Variants in CELSR1 observed in about 807,000 individuals in gnomAD.
The protein encoded by CELSR1 is cadherin EGF LAG seven-pass G-type receptor 1.
Under a neutral mutation model 249.1 loss-of-function variants are expected in CELSR1, and 110 were observed. The observed-to-expected ratio is 0.44, with a 90% CI of 0.38 to 0.52. The LOEUF is 0.52. Among genes scored for constraint, CELSR1 ranks in the 20% least tolerant of loss-of-function variants. The pLI, the probability that CELSR1 is intolerant of heterozygous loss-of-function variation, is 0.00. For synonymous variants in CELSR1, 2,113 were observed against 1,900.0 expected (o/e 1.11, Z -2.92); for missense variants, 4,109 against 4,296.4 (o/e 0.96, Z 1.22).
rs1389553610 is a variant in CELSR1 at position 46,445,094 on chromosome 22, G to T, written c.4184-5683C>A. Reference sequence around the variant, plus strand: ...GCCTGTAATCCCAGCTACTTGGGAGGCTGAGGCAGGAGAATCCTTTGAACC... The same window carrying T: ...GCCTGTAATCCCAGCTACTTGGGAGTCTGAGGCAGGAGAATCCTTTGAACC... On this transcript the variant is annotated intron_variant, in intron 2 of 34. Transcript: ENST00000674500. The surrounding 1 kb of genome is among the most constrained non-coding windows in gnomAD (Gnocchi z 4.4). Among the ~76,000 whole-genome samples the T allele has an allele frequency of 6.6e-6, 1 of 152,164 alleles. No homozygotes were observed. Among genetic ancestry groups the T allele is most frequent in the Non-Finnish European group, 1.5e-5 (1 of 68,028 alleles).
chr22:46,404,298 G>C (rs2079240738), intron 9 of CELSR1, among the ~76,000 whole-genome samples: 1 of 152,012 alleles, frequency 6.6e-6, no homozygotes, highest in South Asian at 2.1e-4. Flanking sequence ...TGTAATCTCA[G>C]CTACTCGGGA....
Position 46,362,854 on chromosome 22 carries a change from C to T in CELSR1, c.*369G>A, listed in dbSNP as rs546670399. ...TGGACCGCGGTCTTTGGTCTGTGCC[C>T]GGCGTTCCTGAACTCTGGCCAGCCT... On this transcript the variant is annotated 3_prime_UTR_variant, in exon 35 of 35. Transcript: ENST00000674500. The T allele has an allele frequency of 1.4e-4, 56 of 395,972 alleles. No individual in the cohort carries two copies. Among genetic ancestry groups the T allele is most frequent in the South Asian group, 9.0e-4 (18 of 19,924 alleles). The allele number at this position is 395,972 out of a possible 1,614,324, so 24.5% of individuals were successfully genotyped here. A position where few individuals can be genotyped will look rare whatever the true frequency, so the allele number is the denominator to read the frequency against.
At position 46,500,400 on chromosome 22, in the gene CELSR1, T is replaced by G. The variant is rs2080455091; in HGVS notation, c.3544+33227A>C. 6.6e-6 allele frequency among the ~76,000 whole-genome samples: 1 copy of G among 152,048 alleles called. No homozygotes were observed. The highest frequency in any genetic ancestry group is 2.1e-4 in the South Asian group (1 of 4,808). ...GAGATCACATTTACAGCGGTGGCGG[T>G]AACCATGGAAACTGGCAGTCGGTGC... On this transcript the variant is annotated intron_variant, in intron 1 of 34. Coordinates refer to ENST00000674500, the MANE Select transcript of CELSR1 (RefSeq NM_001378328.1). This position sits in a 1 kb window ranked among gnomAD's most constrained non-coding sequence, Gnocchi z 4.9.
chr22:46,456,623 G>A (rs12166442), intron 2 of CELSR1, among the ~76,000 whole-genome samples: 47,752 of 140,000 alleles, frequency 0.34, 8,331 homozygotes, highest in African/African-American at 0.45. Context: ...AGATTGTGCC[G>A]CTGCACTTCA....
In CELSR1 at chr22:46,490,836, C is replaced by T. The variant is rs563204413; in HGVS notation, c.3545-26491G>A. Among the ~76,000 whole-genome samples, 1 of 152,290 alleles carries T rather than the reference C, an allele frequency of 6.6e-6. No individual in the cohort carries two copies. The highest frequency in any genetic ancestry group is 1.5e-5 in the Non-Finnish European group (1 of 68,032). On this transcript the variant is annotated intron_variant, in intron 1 of 34. Coordinates refer to ENST00000674500, the MANE Select transcript of CELSR1 (RefSeq NM_001378328.1). The surrounding 1 kb of genome is among the most constrained non-coding windows in gnomAD (Gnocchi z 5.2). ...GCTGGCCTGGGGCTGCTGCACGTGC[C>T]GCACCCTGATCCTCCAGGCAGTCCA...
In CELSR1 at chr22:46,536,760, G is replaced by T. The variant is rs2080861981; in HGVS notation, c.411C>A (p.Gly137=). 2.5e-6 allele frequency: 3 copies of T among 1,182,792 alleles called. No individual in the cohort carries two copies. The highest frequency in any genetic ancestry group is 9.4e-5 in the Admixed American group (2 of 21,360). 73.3% of individuals were successfully genotyped at this position (1,182,792 alleles called of 1,614,324 possible). ...CCGAATGCTGCGCGGCCGCGCAGCC[G>T]CCGGGGACGGGGAAGCAGAGCGCCC... The part of the protein sequence containing the change: ...LCGALCFPVP[G]GCAAAQHSAL... Residue 137 remains glycine, a synonymous_variant, in exon 1 of 35, where the codon GGC becomes GGA. Coordinates refer to ENST00000674500, the MANE Select transcript of CELSR1 (RefSeq NM_001378328.1).
At position 46,399,810 on chromosome 22, in the gene CELSR1, C is replaced by A. The variant is rs774353456; in HGVS notation, c.5319G>T (p.Glu1773Asp). Residue 1773 changes from glutamate to aspartate, a missense_variant, in exon 10 of 35, where the codon GAG becomes GAT. Coordinates refer to ENST00000674500, the MANE Select transcript of CELSR1 (RefSeq NM_001378328.1). This position sits in a 1 kb window ranked among gnomAD's most constrained non-coding sequence, Gnocchi z 5.0. ...TCAGCTCGATCAGCAGGTGGTGCCA[C>A]TCCCCGTCGGTCACCCGCAACCCGG... The part of the protein sequence containing the change: ...MLSGLRVTDG[E>D]WHHLLIELKN... 8 of 1,614,052 alleles carry A rather than the reference C, an allele frequency of 5.0e-6. No individual in the cohort carries two copies. In the Admixed American group the frequency reaches 1.2e-4, roughly 24 times the overall value.
chr22:46,479,153 C>T (rs1168600254), intron 1 of CELSR1, among the ~76,000 whole-genome samples: 1 of 151,898 alleles, frequency 6.6e-6, no homozygotes, highest in African/African-American at 2.4e-5. Flanking sequence ...CGCATGCTCA[C>T]ACCTGCGGCT....
chr22:46,500,472 T>C lies in CELSR1; in HGVS notation c.3544+33155A>G, dbSNP rs889777118. ...GCAACCATGGGGACAATGGCAAGGCTCTGGGCTTATTCAGATGACTGGGGT... is the reference window on the plus strand; with the variant it reads ...GCAACCATGGGGACAATGGCAAGGCCCTGGGCTTATTCAGATGACTGGGGT... On this transcript the variant is annotated intron_variant, in intron 1 of 34. Transcript: ENST00000674500. This position sits in a 1 kb window ranked among gnomAD's most constrained non-coding sequence, Gnocchi z 4.9. Among the ~76,000 whole-genome samples the C allele has an allele frequency of 6.6e-6, 1 of 152,058 alleles. No individual in the cohort carries two copies. Among genetic ancestry groups the C allele is most frequent in the African/African-American group, 2.4e-5 (1 of 41,394 alleles).
At chr22:46,491,313 G>C (rs2080365281) in intron 1 of CELSR1, among the ~76,000 whole-genome samples, 1 of 148,976 alleles carries the variant, frequency 6.7e-6, no homozygotes, top group African/African-American at 2.5e-5. Flanking sequence ...GCCCAGGCTG[G>C]AATGCAGTGG....
chr22:46,527,946 T>A lies in CELSR1; in HGVS notation c.3544+5681A>T, dbSNP rs1323086341. On this transcript the variant is annotated intron_variant, in intron 1 of 34. Coordinates refer to ENST00000674500, the MANE Select transcript of CELSR1 (RefSeq NM_001378328.1). This position sits in a 1 kb window ranked among gnomAD's most constrained non-coding sequence, Gnocchi z 5.5. ...CCCCATCTCTACAAAAATACAAAAATTAGCCAGGCATGATGGCGGGTACCT... is the reference window on the plus strand; with the variant it reads ...CCCCATCTCTACAAAAATACAAAAAATAGCCAGGCATGATGGCGGGTACCT... Among the ~76,000 whole-genome samples the A allele has an allele frequency of 6.6e-6, 1 of 151,904 alleles. No individual in the cohort carries two copies. Among genetic ancestry groups the A allele is most frequent in the African/African-American group, 2.4e-5 (1 of 41,350 alleles).
In CELSR1 at chr22:46,391,381, G is replaced by A; in HGVS notation, c.6149-94C>T. The A allele has an allele frequency of 1.7e-6, 2 of 1,153,236 alleles. No homozygotes were observed. Among genetic ancestry groups the A allele is most frequent in the Non-Finnish European group, 2.5e-6 (2 of 806,674 alleles). 71.4% of individuals were successfully genotyped at this position (1,153,236 alleles called of 1,614,324 possible). ...TGTCTGCATGCGCCTCCCTGCAGGA[G>A]GCCCTGCTCCCACCAAGAACCGAAC... On this transcript the variant is annotated intron_variant, in intron 15 of 34. Transcript: ENST00000674500. The surrounding 1 kb of genome is among the most constrained non-coding windows in gnomAD (Gnocchi z 4.3).
In CELSR1 at chr22:46,533,877, C is replaced by G; in HGVS notation, c.3294G>C (p.Pro1098=). ...GGATCTGGAAGTCGGGCAGCACAGG[C>G]GGGTTGTCATTCTGGTCCACGAGAA... ...HILLVDQNDN[P]PVLPDFQILF... is the part of the protein sequence containing the mutation. Residue 1098 remains proline, a synonymous_variant, in exon 1 of 35, where the codon CCG becomes CCC. Transcript: ENST00000674500. 1.9e-6 allele frequency: 3 copies of G among 1,613,662 alleles called. No homozygotes were observed. The highest frequency in any genetic ancestry group is 2.5e-6 in the Non-Finnish European group (3 of 1,180,022).
In CELSR1 at chr22:46,520,450, T is replaced by G. The variant is rs78032973; in HGVS notation, c.3544+13177A>C. Among the ~76,000 whole-genome samples the G allele has an allele frequency of 1.1e-3, 165 of 152,194 alleles. 1 individual carries two copies. Among genetic ancestry groups the G allele is most frequent in the African/African-American group, 3.9e-3 (164 of 41,530 alleles). ...TGTAATAAAATGTACATAATACGGATCTTAACATGGTAACCACTTTTATTT... is the reference window on the plus strand; with the variant it reads ...TGTAATAAAATGTACATAATACGGAGCTTAACATGGTAACCACTTTTATTT... On this transcript the variant is annotated intron_variant, in intron 1 of 34. Transcript: ENST00000674500.
At position 46,434,250 on chromosome 22, in the gene CELSR1, G is replaced by C. The variant is rs573013260; in HGVS notation, c.4523-769C>G. On this transcript the variant is annotated intron_variant, in intron 4 of 34. Coordinates refer to ENST00000674500, the MANE Select transcript of CELSR1 (RefSeq NM_001378328.1). This position sits in a 1 kb window ranked among gnomAD's most constrained non-coding sequence, Gnocchi z 4.9. ...TGTGCATCTCTGCTTTGGGGTGTCT[G>C]TCATTTCCACCCCTTGAGCTCCTGC... Among the ~76,000 whole-genome samples the C allele has an allele frequency of 9.2e-5, 14 of 152,364 alleles. No individual in the cohort carries two copies. The highest frequency in any genetic ancestry group is 3.4e-4 in the African/African-American group (14 of 41,586).
chr22:46,398,445 G>A lies in CELSR1; in HGVS notation c.5526+79C>T. 1.0e-6 allele frequency: 1 copy of A among 990,194 alleles called. No individual in the cohort carries two copies. Among genetic ancestry groups the A allele is most frequent in the East Asian group, 2.6e-5 (1 of 38,370 alleles). The allele number at this position is 990,194 out of a possible 1,614,324, so 61.3% of individuals were successfully genotyped here. A position where few individuals can be genotyped will look rare whatever the true frequency, so the allele number is the denominator to read the frequency against. On this transcript the variant is annotated intron_variant, in intron 11 of 34. Coordinates refer to ENST00000674500, the MANE Select transcript of CELSR1 (RefSeq NM_001378328.1). This position sits in a 1 kb window ranked among gnomAD's most constrained non-coding sequence, Gnocchi z 7.2. ...TTGAAAGCTAACAGGTTGACCAACG[G>A]AACCACCTATGGTGCTGCCAGCCTC...
In CELSR1 at chr22:46,390,355, TG is replaced by T; in HGVS notation, c.6345+36del. The stretch of plus-strand genomic sequence containing the variant: ...TCTCACGCATACACGAACACACACG[TG>T]CCCCTGCTGAACACACATCCCCGAG... On this transcript the variant is annotated intron_variant, in intron 17 of 34. Coordinates refer to ENST00000674500, the MANE Select transcript of CELSR1 (RefSeq NM_001378328.1). The surrounding 1 kb of genome is among the most constrained non-coding windows in gnomAD (Gnocchi z 6.3). 1 of 1,512,398 alleles carries T rather than the reference TG, an allele frequency of 6.6e-7. No individual in the cohort carries two copies. Among genetic ancestry groups the T allele is most frequent in the Non-Finnish European group, 9.1e-7 (1 of 1,097,240 alleles). The allele number at this position is 1,512,398 out of a possible 1,614,324, so 93.7% of individuals were successfully genotyped here.
Position 46,534,145 on chromosome 22 carries a change from T to C in CELSR1, c.3026A>G (p.Glu1009Gly), listed in dbSNP as rs752401411. The C allele has an allele frequency of 9.9e-6, 16 of 1,613,862 alleles. No individual in the cohort carries two copies. In the East Asian group the frequency reaches 3.1e-4, roughly 31 times the overall value. Residue 1009 changes from glutamate to glycine, a missense_variant, in exon 1 of 35, where the codon GAG becomes GGG. This residue lies in a region of CELSR1 where 886 missense variants were observed against 896.5 expected (regional missense o/e 0.99). Transcript: ENST00000674500. This position sits in a 1 kb window ranked among gnomAD's most constrained non-coding sequence, Gnocchi z 9.7. Reference protein sequence around the residue: ...FEKDELELFVEENNPVGSVVA... With the variant: ...FEKDELELFVGENNPVGSVVA... Reference sequence around the variant, plus strand: ...CACCGACCCCACTGGGTTGTTCTCCTCAACAAACAGCTCCAGTTCGTCCTT... The same window carrying C: ...CACCGACCCCACTGGGTTGTTCTCCCCAACAAACAGCTCCAGTTCGTCCTT...
intron 33 of CELSR1, 39 bp downstream of exon 33, chr22:46,364,473 C>T: frequency 6.3e-7 from 1 of 1,581,704 alleles, no homozygotes; most frequent in Non-Finnish European, 8.6e-7. Context: ...CCTTCTGGGT[C>T]CTCCAGCCTT....
Sources: gnomAD v4.1 joint callset for allele counts (sites outside exome capture counted in the v4.1 genomes callset) on GRCh38, gnomAD v4.1.1 for gene constraint, gnomAD v4.1.1 regional missense constraint, Gnocchi (gnomAD v3.1) non-coding constraint, MANE v1.5 for transcripts, NCBI Gene and HGNC (gene_info 2026-07-23, HGNC 2026-07-21) for gene names.